The following ATP8B2 variants were observed in gnomAD, a reference collection of about 807,000 sequenced individuals.
ATP8B2 encodes the protein phospholipid-transporting ATPase ID.
In ATP8B2, 70 loss-of-function variants were observed where a neutral mutation model predicts 133.4. The observed-to-expected ratio is 0.52, with a 90% confidence interval of 0.43 to 0.64. ATP8B2 has a LOEUF of 0.64. Among genes scored for constraint, ATP8B2 ranks in the 30% least tolerant of loss-of-function variants. The pLI, the probability that ATP8B2 is intolerant of heterozygous loss-of-function variation, is 0.00. For synonymous variants in ATP8B2, 517 were observed against 589.5 expected (o/e 0.88, Z 1.78); for missense variants, 1,101 against 1,535.7 (o/e 0.72, Z 4.73).
At position 154,331,788 on chromosome 1, in the gene ATP8B2, C is replaced by T; in HGVS notation, c.438+110C>T. 6 of 1,348,698 alleles carry T rather than the reference C, an allele frequency of 4.4e-6. No homozygotes were observed. Among genetic ancestry groups the T allele is most frequent in the South Asian group, 1.2e-5 (1 of 84,988 alleles). 83.5% of individuals were successfully genotyped at this position (1,348,698 alleles called of 1,614,324 possible). ...CCTCTTAAACACCCGTGGCAGGAAT[C>T]TTTCTCACACCAGGGGCTTCTGTGT... On this transcript the variant is annotated intron_variant, in intron 7 of 27. Transcript: ENST00000368489. The surrounding 1 kb of genome is among the most constrained non-coding windows in gnomAD (Gnocchi z 4.8).
At position 154,342,529 on chromosome 1, in the gene ATP8B2, A is replaced by G. The variant is rs746014248; in HGVS notation, c.1287+6A>G. The G allele has an allele frequency of 3.7e-6, 6 of 1,612,986 alleles. No individual in the cohort carries two copies. Among genetic ancestry groups the G allele is most frequent in the Non-Finnish European group, 4.2e-6 (5 of 1,178,980 alleles). ...ACAAAGCTGAATTGGGAGAGGTAAG[A>G]TTCAGTCTCCCTAATTCTATGTGCC... On this transcript the variant is annotated splice_donor_region_variant and intron_variant, in intron 14 of 27. Transcript: ENST00000368489.
chr1:154,330,713 G>C (rs916380630), intron 3 of ATP8B2, 102 bp from the exon 4 acceptor site: 27 of 1,004,770 alleles, frequency 2.7e-5, no homozygotes, highest in South Asian at 1.9e-4. Flanking sequence ...GCTAGCTTTT[G>C]GGGTAGAGGT....
At position 154,348,524 on chromosome 1, in the gene ATP8B2, G is replaced by C. The variant is rs1686672497; in HGVS notation, c.3280G>C (p.Asp1094His). ...ATTCCTCAGGCTCAACCTGAAGCCG[G>C]ATCTCTCCGACACGGTGAGAAGCCA... ...FRFLRLNLKP[D>H]LSDTVRYTQL... Residue 1094 changes from aspartate (D) to histidine (H), a missense_variant, in exon 27 of 28, where the codon GAT (aspartate) becomes CAT (histidine). Physicochemically the swap from Asp to His is moderately conservative, Grantham distance 81. Coordinates refer to ENST00000368489, the MANE Select transcript of ATP8B2 (RefSeq NM_001370597.1). The C allele has an allele frequency of 1.2e-6, 2 of 1,613,940 alleles. No homozygotes were observed. Among genetic ancestry groups the C allele is most frequent in the African/African-American group, 2.7e-5 (2 of 75,052 alleles).
In ATP8B2 at chr1:154,349,148, A is replaced by G. The variant is rs1319555947; in HGVS notation, c.*30A>G. ...CGAGGATGGATGCCCTGTGCCAGTG[A>G]CCAGAGCACCCAGGGCTGGCCAGTC... On this transcript the variant is annotated 3_prime_UTR_variant, in exon 28 of 28. Coordinates refer to ENST00000368489, the MANE Select transcript of ATP8B2 (RefSeq NM_001370597.1). 1.2e-6 allele frequency: 2 copies of G among 1,602,858 alleles called. No individual in the cohort carries two copies. The highest frequency in any genetic ancestry group is 8.5e-7 in the Non-Finnish European group (1 of 1,172,580).
chr1:154,335,729 C>T (rs1686156491), intron 11 of ATP8B2, among the ~76,000 whole-genome samples: 1 of 143,228 alleles, frequency 7.0e-6, no homozygotes, highest in South Asian at 2.2e-4. Context: ...AGTTTGTTTC[C>T]CAAGTTTAAA....
In ATP8B2 at chr1:154,349,434, T is replaced by C; in HGVS notation, c.*316T>C. ...TGAGAGATTGTGTCTGCCCCTGCCCTGCCTGGGACCCACAGGGAGACTATA... is the reference window on the plus strand; with the variant it reads ...TGAGAGATTGTGTCTGCCCCTGCCCCGCCTGGGACCCACAGGGAGACTATA... On this transcript the variant is annotated 3_prime_UTR_variant, in exon 28 of 28. Transcript: ENST00000368489. 1 of 384,782 alleles carries C rather than the reference T, an allele frequency of 2.6e-6. No individual in the cohort carries two copies. Among genetic ancestry groups the C allele is most frequent in the South Asian group, 3.7e-5 (1 of 26,820 alleles). 23.8% of individuals were successfully genotyped at this position (384,782 alleles called of 1,614,324 possible).
In ATP8B2 at chr1:154,346,253, T is replaced by C; in HGVS notation, c.2801T>C (p.Met934Thr). 6.2e-7 allele frequency: 1 copy of C among 1,614,028 alleles called. No homozygotes were observed. The highest frequency in any genetic ancestry group is 8.5e-7 in the Non-Finnish European group (1 of 1,180,020). The stretch of plus-strand genomic sequence containing the variant: ...CAGGATGTCCCCGAGCAGCGGAGCA[T>C]GGAGTACCCTAAGCTGTATGAGCCG... ...FDQDVPEQRS[M>T]EYPKLYEPGQ... Residue 934 changes from methionine to threonine, a missense_variant, in exon 25 of 28, where the codon ATG (methionine) becomes ACG (threonine). By Grantham distance (81) the Met-to-Thr change is moderately conservative. Transcript: ENST00000368489. The surrounding 1 kb of genome is among the most constrained non-coding windows in gnomAD (Gnocchi z 4.5).
chr1:154,345,343 T>A lies in ATP8B2; in HGVS notation c.2492T>A (p.Ile831Asn). The change falls in exon 23 of 28, where the codon ATC becomes AAC. Residue 831 changes from isoleucine (I) to asparagine (N), a missense_variant. Transcript: ENST00000368489. This position sits in a 1 kb window ranked among gnomAD's most constrained non-coding sequence, Gnocchi z 5.6. Reference protein sequence around the residue: ...MIKTAHIGVGISGQEGIQAVL... With the variant: ...MIKTAHIGVGNSGQEGIQAVL... ...GCAGCGGCTCACATTGGTGTGGGGATCAGTGGGCAGGAAGGGATCCAGGCT... is the reference window on the plus strand; with the variant it reads ...GCAGCGGCTCACATTGGTGTGGGGAACAGTGGGCAGGAAGGGATCCAGGCT... 6.2e-7 allele frequency: 1 copy of A among 1,614,088 alleles called. No homozygotes were observed. Among genetic ancestry groups the A allele is most frequent in the Non-Finnish European group, 8.5e-7 (1 of 1,180,024 alleles).
At position 154,334,869 on chromosome 1, in the gene ATP8B2, A is replaced by G. The variant is rs1686121590; in HGVS notation, c.837+278A>G. Among the ~76,000 whole-genome samples the G allele has an allele frequency of 1.3e-5, 2 of 152,048 alleles. No individual in the cohort carries two copies. Among genetic ancestry groups the G allele is most frequent in the South Asian group, 4.1e-4 (2 of 4,828 alleles). On this transcript the variant is annotated intron_variant, in intron 11 of 27. Transcript: ENST00000368489. The surrounding 1 kb of genome is among the most constrained non-coding windows in gnomAD (Gnocchi z 4.6). Reference sequence around the variant, plus strand: ...TGATGATGACTTTGTGAAGCATGTGACCTTCTGTTTGCTTTTGCCAGGGAC... The same window carrying G: ...TGATGATGACTTTGTGAAGCATGTGGCCTTCTGTTTGCTTTTGCCAGGGAC...
chr1:154,351,059 C>T lies in ATP8B2; in HGVS notation c.*1941C>T, dbSNP rs1404660236. The T allele has an allele frequency of 7.5e-6, 1 of 132,472 alleles. No individual in the cohort carries two copies. The highest frequency in any genetic ancestry group is 2.5e-5 in the African/African-American group (1 of 39,848). 8.2% of individuals were successfully genotyped at this position (132,472 alleles called of 1,614,324 possible). ...CAAGGTGAGAGTCTGATTTTTATAC[C>T]AAAGAGGAAATGATTTTTTTTCATA... On this transcript the variant is annotated 3_prime_UTR_variant, in exon 28 of 28. Transcript: ENST00000368489.
Position 154,349,179 on chromosome 1 carries a change from GGGAACAGCGTCTC to G in ATP8B2, c.*67_*79del. The stretch of plus-strand genomic sequence containing the variant: ...GCACCCAGGGCTGGCCAGTCACTGA[GGGAACAGCGTCTC>G]GGAACTGCTGGTCCTCATTCCTTGC... On this transcript the variant is annotated 3_prime_UTR_variant, in exon 28 of 28. Transcript: ENST00000368489. 1 of 1,568,036 alleles carries G rather than the reference GGGAACAGCGTCTC, an allele frequency of 6.4e-7. No homozygotes were observed. Among genetic ancestry groups the G allele is most frequent in the South Asian group, 1.2e-5 (1 of 85,902 alleles).
At position 154,343,974 on chromosome 1, in the gene ATP8B2, C is replaced by T. The variant is rs1263937344; in HGVS notation, c.1840C>T (p.Arg614Ter). 5.6e-6 allele frequency: 9 copies of T among 1,613,768 alleles called. No homozygotes were observed. The highest frequency in any genetic ancestry group is 5.3e-5 in the African/African-American group (4 of 74,872). The change falls in exon 18 of 28, where the codon CGA (arginine) becomes TGA (stop). Residue 614 changes from arginine to a stop codon, truncating the protein, a stop_gained. Coordinates refer to ENST00000368489, the MANE Select transcript of ATP8B2 (RefSeq NM_001370597.1). LOFTEE classifies it high-confidence loss of function. The surrounding 1 kb of genome is among the most constrained non-coding windows in gnomAD (Gnocchi z 5.8). The part of the protein sequence containing the change: ...DEEYYEEWAE[R>*]RLQASLAQDS... The stretch of plus-strand genomic sequence containing the variant: ...AGAGTACTACGAGGAGTGGGCTGAG[C>T]GACGCCTCCAGGCCAGCCTGGCCCA...
intron 1 of ATP8B2, chr1:154,327,671 C>G: frequency 1.3e-5 from 12 of 892,350 alleles, no homozygotes; most frequent in Non-Finnish European, 2.2e-5. Flanking sequence ...CACCCTGTTT[C>G]CTGATGCCCT....
At position 154,346,025 on chromosome 1, in the gene ATP8B2, G is replaced by A; in HGVS notation, c.2778+142G>A. ...CTTTCAGCCGGGGAAGGTGTGGCTG[G>A]TTCTCCCTCCTGGCTGCAGCTGATC... On this transcript the variant is annotated intron_variant, in intron 24 of 27. Coordinates refer to ENST00000368489, the MANE Select transcript of ATP8B2 (RefSeq NM_001370597.1). This position sits in a 1 kb window ranked among gnomAD's most constrained non-coding sequence, Gnocchi z 4.5. 9.2e-7 allele frequency: 1 copy of A among 1,088,818 alleles called. No individual in the cohort carries two copies. The highest frequency in any genetic ancestry group is 1.4e-5 in the South Asian group (1 of 69,482). 67.4% of individuals were successfully genotyped at this position (1,088,818 alleles called of 1,614,324 possible). A position where few individuals can be genotyped will look rare whatever the true frequency, so the allele number is the denominator to read the frequency against.
At chr1:154,348,759 C>T (rs570581691) in intron 27 of ATP8B2, 81 bp from the exon 28 acceptor site, 35 of 1,459,492 alleles carry the variant, frequency 2.4e-5, no homozygotes, top group South Asian at 5.4e-5. Context: ...AGCCTGGTCC[C>T]GGGTGCTGTG....
Position 154,349,396 on chromosome 1 carries a change from C to CA in ATP8B2, c.*280dup. The CA allele has an allele frequency of 4.1e-6, 2 of 483,754 alleles. No homozygotes were observed. The highest frequency in any genetic ancestry group is 7.5e-6 in the Non-Finnish European group (2 of 267,036). The allele number at this position is 483,754 out of a possible 1,614,324, so 30.0% of individuals were successfully genotyped here. A position where few individuals can be genotyped will look rare whatever the true frequency, so the allele number is the denominator to read the frequency against. ...CGGGGACCAGAAGTGGAACCAAAAA[C>CA]AAGAAAAAACTGTGAGAGATTGTGT... On this transcript the variant is annotated 3_prime_UTR_variant, in exon 28 of 28. Coordinates refer to ENST00000368489, the MANE Select transcript of ATP8B2 (RefSeq NM_001370597.1).
chr1:154,332,160 T>G, intron 8 of ATP8B2, 136 bp downstream of exon 8: 1 of 794,208 alleles, frequency 1.3e-6, no homozygotes, highest in Non-Finnish European at 2.1e-6. Flanking sequence ...TTGGATGGGA[T>G]GTGTGAAGTG....
chr1:154,327,941 T>C (rs1685848313), intron 1 of ATP8B2, 164 bp from the exon 2 acceptor site: 7 of 1,549,582 alleles, frequency 4.5e-6, no homozygotes, highest in Non-Finnish European at 6.2e-6. Context: ...AAGTCCCCTC[T>C]TTCCCAGGAA....
Position 154,344,833 on chromosome 1 carries a change from T to A in ATP8B2, c.2286+48T>A. 6.4e-7 allele frequency: 1 copy of A among 1,569,488 alleles called. No individual in the cohort carries two copies. The highest frequency in any genetic ancestry group is 8.7e-7 in the Non-Finnish European group (1 of 1,154,200). ...TGGGCAGTATCTTTCCAGTGAGCAC[T>A]TCTGTCCAGGGCTTTTATATCTTGT... On this transcript the variant is annotated intron_variant, in intron 21 of 27. Coordinates refer to ENST00000368489, the MANE Select transcript of ATP8B2 (RefSeq NM_001370597.1). The surrounding 1 kb of genome is among the most constrained non-coding windows in gnomAD (Gnocchi z 4.1).
Sources: gnomAD v4.1 joint callset for allele counts (sites outside exome capture counted in the v4.1 genomes callset) on GRCh38, gnomAD v4.1.1 for gene constraint, Gnocchi (gnomAD v3.1) non-coding constraint, MANE v1.5 for transcripts, NCBI Gene and HGNC (gene_info 2026-07-23, HGNC 2026-07-21) for gene names.